The following CTNNA3 variants were observed in gnomAD, a reference collection of about 807,000 sequenced individuals.
The protein encoded by CTNNA3 is catenin alpha 3.
A neutral mutation model predicts 95.7 loss-of-function variants in CTNNA3; 76 were observed. The observed-to-expected ratio is 0.79, with a 90% CI of 0.66 to 0.96. The LOEUF is 0.96. Ranked by LOEUF, CTNNA3 falls within the 40% of genes least tolerant of loss-of-function variation. The pLI is 0.00. For missense variants in CTNNA3, 1,191 were observed against 1,089.8 expected (o/e 1.09, Z -1.31); for synonymous variants, 431 against 374.4 (o/e 1.15, Z -1.74).
chr10:66,685,519 C>T (rs1031387750), intron 9 of CTNNA3, among the ~76,000 whole-genome samples: 58 of 148,852 alleles, frequency 3.9e-4, no homozygotes, highest in African/African-American at 1.4e-3. Context: ...ACTACAGGCA[C>T]CCGCCACCAC....
At chr10:66,211,618 G>A (rs1254968177) in intron 13 of CTNNA3, among the ~76,000 whole-genome samples, 1 of 152,210 alleles carries the variant, frequency 6.6e-6, no homozygotes, top group Non-Finnish European at 1.5e-5. Flanking sequence ...CCTAGATATT[G>A]AAAGGGGATG....
chr10:66,699,666 CT>C (rs10627549), intron 9 of CTNNA3, among the ~76,000 whole-genome samples: 65 of 146,300 alleles, frequency 4.4e-4, no homozygotes, highest in Admixed American at 6.1e-4. Flanking sequence ...TGATATTTAC[CT>C]TTTTTTTTTT....
At chr10:66,253,381 G>A (rs1251541818) in intron 13 of CTNNA3, among the ~76,000 whole-genome samples, 1 of 151,946 alleles carries the variant, frequency 6.6e-6, no homozygotes, top group Non-Finnish European at 1.5e-5. Context: ...TTTTTTTCAA[G>A]CTTTGATCAT....
chr10:67,240,435 T>TA (rs1865673665), intron 5 of CTNNA3, among the ~76,000 whole-genome samples: 1 of 152,090 alleles, frequency 6.6e-6, no homozygotes, highest in Admixed American at 6.6e-5. Context: ...CTGAAGGATA[T>TA]AAGATGGTGA....
At chr10:67,393,008 T>C (rs1589247775) in intron 5 of CTNNA3, among the ~76,000 whole-genome samples, 1 of 152,120 alleles carries the variant, frequency 6.6e-6, no homozygotes, top group African/African-American at 2.4e-5. Flanking sequence ...TATACATATG[T>C]AACTAGCCTG....
At chr10:66,951,878 G>T (rs2132724233) in intron 7 of CTNNA3, among the ~76,000 whole-genome samples, 1 of 152,246 alleles carries the variant, frequency 6.6e-6, no homozygotes, top group African/African-American at 2.4e-5. Flanking sequence ...TTTTCAGAAA[G>T]CCCATCTCCA....
intron 9 of CTNNA3, among the ~76,000 whole-genome samples, chr10:66,661,932 A>C (rs1846278096): frequency 6.6e-6 from 1 of 152,174 alleles, no homozygotes; most frequent in Admixed American, 6.5e-5. Context: ...TTCAGCTCAC[A>C]GTTAGTTTGT....
At chr10:67,313,608 G>T (rs1263729035) in intron 5 of CTNNA3, among the ~76,000 whole-genome samples, 3 of 152,106 alleles carry the variant, frequency 2.0e-5, no homozygotes, top group African/African-American at 7.2e-5. Context: ...TTGTGCTAGA[G>T]AAAAATCACT....
At chr10:65,924,722 C>T (rs554237840) in intron 17 of CTNNA3, among the ~76,000 whole-genome samples, 126 of 152,204 alleles carry the variant, frequency 8.3e-4, no homozygotes, top group Non-Finnish European at 1.3e-3. Context: ...TTTGTTCTCA[C>T]GCTGCTAATA....
intron 5 of CTNNA3, among the ~76,000 whole-genome samples, chr10:67,323,918 T>C (rs565474794): frequency 6.6e-6 from 1 of 152,246 alleles, no homozygotes; most frequent in South Asian, 2.1e-4. Flanking sequence ...AGAGAACTTT[T>C]ACCTCCCTGG....
rs1436196673 is a variant in CTNNA3, at chr10:66,333,195, A to AT, written c.1732+45956dup. 3.3e-5 allele frequency among the ~76,000 whole-genome samples: 5 copies of AT among 151,116 alleles called. 1 individual carries two copies. Among genetic ancestry groups the AT allele is most frequent in the Non-Finnish European group, 7.4e-5 (5 of 67,742 alleles). On this transcript the variant is annotated intron_variant, in intron 12 of 17. Transcript: ENST00000433211. ...AAAAAACCAGCTCCTGGATTCATTG[A>AT]TTTTTTGAAGGGTTTTTTGTGTCTC...
chr10:66,411,810 T>A (rs2093107510), intron 11 of CTNNA3, among the ~76,000 whole-genome samples: 1 of 152,132 alleles, frequency 6.6e-6, no homozygotes. Flanking sequence ...CAGCTTCTTG[T>A]ATGAAGAACT....
chr10:67,393,240 C>G lies in CTNNA3; in HGVS notation c.579+128602G>C, dbSNP rs1589248049. ...TGCTACAGAATACCTTATTCAGGATCATATTATTACTCATACCATCATTGT... is the reference window on the plus strand; with the variant it reads ...TGCTACAGAATACCTTATTCAGGATGATATTATTACTCATACCATCATTGT... On this transcript the variant is annotated intron_variant, in intron 5 of 17. Transcript: ENST00000433211. Among the ~76,000 whole-genome samples, 4 of 152,136 alleles carry G rather than the reference C, an allele frequency of 2.6e-5. No homozygotes were observed. The South Asian group carries it at 8.3e-4, about 32-fold the overall frequency.
intron 17 of CTNNA3, among the ~76,000 whole-genome samples, chr10:65,962,954 C>G (rs2077881431): frequency 6.6e-6 from 1 of 152,128 alleles, no homozygotes; most frequent in Non-Finnish European, 1.5e-5. Context: ...TCCAGTCTAT[C>G]ATTGATGGAC....
intron 11 of CTNNA3, among the ~76,000 whole-genome samples, chr10:66,444,807 C>A (rs976991888): frequency 1.3e-5 from 2 of 152,076 alleles, no homozygotes; most frequent in African/African-American, 4.8e-5. Context: ...ATGAACAGGA[C>A]CAAATTCACA....
At chr10:66,277,582 C>T (rs1225064425) in intron 13 of CTNNA3, among the ~76,000 whole-genome samples, 3 of 152,020 alleles carry the variant, frequency 2.0e-5, no homozygotes, top group Non-Finnish European at 2.9e-5. Flanking sequence ...TTTACTTGCA[C>T]CTAAGTGAGA....
chr10:67,497,618 A>C (rs1008476697), intron 5 of CTNNA3, among the ~76,000 whole-genome samples: 3 of 152,172 alleles, frequency 2.0e-5, no homozygotes, highest in Non-Finnish European at 4.4e-5. Flanking sequence ...TTTTAAAGAT[A>C]GCCATTCTAA....
chr10:66,540,586 G>A (rs1405160864), intron 10 of CTNNA3, among the ~76,000 whole-genome samples: 1 of 152,048 alleles, frequency 6.6e-6, no homozygotes, highest in Non-Finnish European at 1.5e-5. Context: ...TGCCATAAAC[G>A]TGAGCATAAA....
chr10:67,471,845 T>C (rs1025441359), intron 5 of CTNNA3, among the ~76,000 whole-genome samples: 1 of 152,186 alleles, frequency 6.6e-6, no homozygotes, highest in African/African-American at 2.4e-5. Context: ...GAAACTGTTC[T>C]AGGGTCTTTC....
Sources: gnomAD v4.1 joint callset for allele counts (sites outside exome capture counted in the v4.1 genomes callset) on GRCh38, gnomAD v4.1.1 for gene constraint, MANE v1.5 for transcripts, NCBI Gene and HGNC (gene_info 2026-07-23, HGNC 2026-07-21) for gene names.